MSI2: variants seen among roughly 807,000 people sequenced by gnomAD.
MSI2 encodes the protein musashi RNA binding protein 2, also known as RNA-binding protein Musashi homolog 2.
Under a neutral mutation model 45.6 loss-of-function variants are expected in MSI2, and 17 were observed. The observed-to-expected ratio is 0.37, with a 90% confidence interval of 0.26 to 0.56. MSI2 has a LOEUF of 0.56. MSI2 is among the 20% of genes least tolerant of loss of function. MSI2 has a pLI of 0.77. For missense variants in MSI2, 293 were observed against 444.2 expected (o/e 0.66, Z 3.06); for synonymous variants, 156 against 158.2 (o/e 0.99, Z 0.11).
intron 10 of MSI2, among the ~76,000 whole-genome samples, chr17:57,644,127 T>C (rs559095711): frequency 6.6e-6 from 1 of 152,172 alleles, no homozygotes; most frequent in East Asian, 1.9e-4. Context: ...GATGTGTTGG[T>C]ACCCTTGGGA....
chr17:57,548,614 C>T (rs1296794969), intron 7 of MSI2, among the ~76,000 whole-genome samples: 1 of 148,030 alleles, frequency 6.8e-6, no homozygotes, highest in Non-Finnish European at 1.5e-5. Flanking sequence ...CAGTGGGTGA[C>T]AGGAAATAAA....
At chr17:57,313,915 T>C (rs542812609) in intron 5 of MSI2, among the ~76,000 whole-genome samples, 9 of 152,046 alleles carry the variant, frequency 5.9e-5, no homozygotes, top group Non-Finnish European at 1.2e-4. Context: ...GTACCTAGGA[T>C]TGGGTCTTGA....
At chr17:57,494,471 G>C (rs1223344583) in intron 6 of MSI2, among the ~76,000 whole-genome samples, 1 of 152,168 alleles carries the variant, frequency 6.6e-6, no homozygotes, top group African/African-American at 2.4e-5. Flanking sequence ...TTCTAGAAGA[G>C]GGGTATATTG....
chr17:57,257,113 T>C lies in MSI2; in HGVS notation c.78T>C (p.Gly26=), dbSNP rs1278839688. Residue 26 remains glycine, a synonymous_variant, in exon 2 of 14, where the codon GGT becomes GGC. Transcript: ENST00000284073. ...SQHDPGKMFI[G]GLSWQTSPDS... ...CTCCCTCTAGTAAAATGTTTATCGG[T>C]GGACTGAGCTGGCAGACCTCACCAG... 2.1e-6 allele frequency: 3 copies of C among 1,395,956 alleles called. No individual in the cohort carries two copies. The highest frequency in any genetic ancestry group is 1.9e-6 in the Non-Finnish European group (2 of 1,026,378). 86.5% of individuals were successfully genotyped at this position (1,395,956 alleles called of 1,614,324 possible).
At chr17:57,694,918 G>T in the MSI2 span, among the ~76,000 whole-genome samples, 1 of 152,212 alleles carries the variant, frequency 6.6e-6, no homozygotes, top group Non-Finnish European at 1.5e-5. Flanking sequence ...AATAACTCAT[G>T]CAATGATTAT....
chr17:57,284,838 G>A (rs1909730025), intron 5 of MSI2, among the ~76,000 whole-genome samples: 1 of 151,974 alleles, frequency 6.6e-6, no homozygotes, highest in Admixed American at 6.5e-5. Flanking sequence ...TGCTGGGGAT[G>A]GGAGAAGCTC....
At chr17:57,598,353 T>C (rs1905474597) in intron 8 of MSI2, among the ~76,000 whole-genome samples, 1 of 152,230 alleles carries the variant, frequency 6.6e-6, no homozygotes, top group Non-Finnish European at 1.5e-5. Flanking sequence ...GAGCTTTTAG[T>C]GTGGATAAGA....
chr17:57,371,997 C>A (rs910502624), intron 5 of MSI2, among the ~76,000 whole-genome samples: 1 of 151,418 alleles, frequency 6.6e-6, no homozygotes, highest in Non-Finnish European at 1.5e-5. Context: ...CTTACATTGG[C>A]CCTCCCGATA....
chr17:57,269,183 G>A (rs1417648296), intron 5 of MSI2, among the ~76,000 whole-genome samples: 1 of 152,218 alleles, frequency 6.6e-6, no homozygotes, highest in Non-Finnish European at 1.5e-5. Context: ...GGAAAGGTCA[G>A]GGTGTGCAGG....
At chr17:57,365,933 G>T (rs1917154784) in intron 5 of MSI2, among the ~76,000 whole-genome samples, 2 of 152,000 alleles carry the variant, frequency 1.3e-5, no homozygotes, top group Admixed American at 1.3e-4. Flanking sequence ...TTTTTTTTGA[G>T]ACAGAGTCTC....
intron 3 of MSI2, among the ~76,000 whole-genome samples, chr17:57,257,787 G>T (rs1338972577): frequency 2.6e-5 from 4 of 151,300 alleles, no homozygotes; most frequent in Non-Finnish European, 5.9e-5. Context: ...TTTTCCCGTC[G>T]CTTCTTTTTC....
chr17:57,258,937 T>C (rs958422794), intron 4 of MSI2, among the ~76,000 whole-genome samples: 1 of 134,278 alleles, frequency 7.4e-6, no homozygotes, highest in East Asian at 2.2e-4. Flanking sequence ...GGCCTGGGGG[T>C]TTCAAAGTGA....
intron 5 of MSI2, among the ~76,000 whole-genome samples, chr17:57,324,244 G>A (rs1204167686): frequency 6.6e-6 from 1 of 152,220 alleles, no homozygotes; most frequent in Admixed American, 6.5e-5. Flanking sequence ...AACATGGGCT[G>A]AGGCAGCGCC....
intron 5 of MSI2, among the ~76,000 whole-genome samples, chr17:57,370,319 G>C (rs1208443419): frequency 6.6e-6 from 1 of 152,180 alleles, no homozygotes; most frequent in East Asian, 1.9e-4. Context: ...TGTGGAAAAG[G>C]ACAGTGTGAA....
At chr17:57,435,135 G>C (rs1019723915) in intron 6 of MSI2, among the ~76,000 whole-genome samples, 4 of 152,042 alleles carry the variant, frequency 2.6e-5, no homozygotes, top group African/African-American at 4.8e-5. Context: ...ATCTTCCCTT[G>C]AGTTGCAACT....
chr17:57,262,261 C>T (rs781442048), intron 5 of MSI2, 69 bp downstream of exon 5: 6 of 1,522,982 alleles, frequency 3.9e-6, no homozygotes, highest in Non-Finnish European at 5.5e-6. Flanking sequence ...AAATTTCAAA[C>T]AGCATTGGCC....
intron 6 of MSI2, among the ~76,000 whole-genome samples, chr17:57,404,650 C>T (rs1006217180): frequency 1.3e-5 from 2 of 152,110 alleles, no homozygotes; most frequent in African/African-American, 4.8e-5. Flanking sequence ...CTCTCCTCTC[C>T]CTCATCCCAT....
intron 10 of MSI2, among the ~76,000 whole-genome samples, chr17:57,641,812 T>C (rs1910286615): frequency 1.3e-5 from 2 of 152,214 alleles, no homozygotes; most frequent in South Asian, 4.1e-4. Context: ...ATGTTTGTTC[T>C]GTGGGGAAGT....
At chr17:57,533,439 CATTCCCTGACCTCTGAGCAT>C (rs1234587275) in intron 7 of MSI2, among the ~76,000 whole-genome samples, 1 of 152,230 alleles carries the variant, frequency 6.6e-6, no homozygotes, top group African/African-American at 2.4e-5. Context: ...CCTGGGGGCA[CATTCCCTGACCTCTGAGCAT>C]CTCAGGTTCT....
Sources: allele counts gnomAD v4.1 joint callset (sites outside exome capture counted in the v4.1 genomes callset), GRCh38; gene constraint gnomAD v4.1.1; transcripts MANE v1.5; gene names NCBI Gene and HGNC (gene_info 2026-07-23, HGNC 2026-07-21).